Variants in HFM1 observed in about 807,000 individuals in gnomAD.
HFM1 encodes probable ATP-dependent DNA helicase HFM1.
HFM1 carries 169 observed loss-of-function variants against 192.1 expected under a neutral mutation model. The observed-to-expected ratio is 0.88, with a 90% CI of 0.78 to 1.00. HFM1 has a LOEUF of 1.00. Ranked by LOEUF, HFM1 falls within the 50% of genes least tolerant of loss-of-function variation. The pLI, the probability that HFM1 is intolerant of heterozygous loss-of-function variation, is 0.00. For missense variants in HFM1, 1,661 were observed against 1,668.0 expected (o/e 1.00, Z 0.07); for synonymous variants, 525 against 537.8 (o/e 0.98, Z 0.33).
chr1:91,379,272 C>T, intron 8 of HFM1, 58 bp from the exon 9 acceptor site: 1 of 1,388,228 alleles, frequency 7.2e-7, no homozygotes, highest in South Asian at 1.3e-5. Context: ...ATTCTTTTCA[C>T]AAACTTTGGT....
chr1:91,303,431 T>C (rs936534612), intron 30 of HFM1, among the ~76,000 whole-genome samples: 8 of 152,208 alleles, frequency 5.3e-5, no homozygotes, highest in Admixed American at 6.5e-5. Context: ...GATATTTGGG[T>C]TGTTTCCAGT....
At chr1:91,306,876 T>C (rs1334343920) in intron 30 of HFM1, among the ~76,000 whole-genome samples, 1 of 152,208 alleles carries the variant, frequency 6.6e-6, no homozygotes, top group Non-Finnish European at 1.5e-5. Context: ...AGTATCAGAC[T>C]ACTCAGATTT....
chr1:91,300,110 C>T (rs1486526171), intron 30 of HFM1, among the ~76,000 whole-genome samples: 3 of 151,570 alleles, frequency 2.0e-5, no homozygotes, highest in African/African-American at 2.4e-5. Context: ...ATATCACCAC[C>T]GATCCCACAG....
chr1:91,269,986 T>G (rs1373499019), intron 34 of HFM1, among the ~76,000 whole-genome samples: 1 of 152,134 alleles, frequency 6.6e-6, no homozygotes, highest in African/African-American at 2.4e-5. Context: ...TTTGCCATAT[T>G]AAGGAGATTT....
intron 13 of HFM1, among the ~76,000 whole-genome samples, chr1:91,371,688 A>G (rs1660224087): frequency 1.4e-5 from 2 of 145,466 alleles, no homozygotes; most frequent in South Asian, 4.7e-4. Context: ...ATGGGCAAGG[A>G]CTTCATGTCT....
At chr1:91,306,808 T>C (rs1165719233) in intron 30 of HFM1, among the ~76,000 whole-genome samples, 2 of 152,204 alleles carry the variant, frequency 1.3e-5, no homozygotes, top group African/African-American at 4.8e-5. Context: ...AAGTCATCCA[T>C]GCCTCAAGTT....
intron 1 of HFM1, among the ~76,000 whole-genome samples, chr1:91,404,378 T>C (rs906153468): frequency 6.6e-5 from 10 of 152,018 alleles, no homozygotes; most frequent in Admixed American, 2.6e-4. Context: ...GGGTCCCGTT[T>C]CCTCCCACCG....
At chr1:91,375,494 T>C in intron 12 of HFM1, 33 bp downstream of exon 12, 2 of 1,609,964 alleles carry the variant, frequency 1.2e-6, no homozygotes, top group Non-Finnish European at 1.7e-6. Flanking sequence ...AAAAACTGAA[T>C]ATACTAAAAA....
chr1:91,315,789 T>C, intron 28 of HFM1, 26 bp downstream of exon 28: 2 of 1,561,634 alleles, frequency 1.3e-6, no homozygotes, highest in African/African-American at 1.4e-5. Flanking sequence ...AGAAATAAGA[T>C]CAAACATCAG....
intron 3 of HFM1, 33 bp downstream of exon 3, chr1:91,396,260 G>A (rs1663642259): frequency 1.9e-6 from 2 of 1,079,962 alleles, no homozygotes; most frequent in Non-Finnish European, 2.8e-6. Context: ...AACTGTATGG[G>A]TTTGGCTTCA....
chr1:91,294,093 A>G (rs1669113243), intron 30 of HFM1, among the ~76,000 whole-genome samples: 1 of 151,164 alleles, frequency 6.6e-6, no homozygotes. Context: ...AGATATACCT[A>G]ATGCTAGATG....
At chr1:91,278,291 T>C (rs281956) in intron 30 of HFM1, among the ~76,000 whole-genome samples, 44,618 of 151,954 alleles carry the variant, frequency 0.29, 6,720 homozygotes, top group Non-Finnish European at 0.32. Flanking sequence ...TATCTAAATA[T>C]ATGATTTACT....
At chr1:91,316,244 A>G (rs1171259460) in intron 26 of HFM1, 60 bp from the exon 27 acceptor site, 34 of 1,134,048 alleles carry the variant, frequency 3.0e-5, no homozygotes, top group Non-Finnish European at 4.3e-5. Flanking sequence ...TTAGTAAAAT[A>G]TTTTTTAGAA....
chr1:91,265,611 C>T (rs1665690381), intron 36 of HFM1, among the ~76,000 whole-genome samples: 1 of 152,228 alleles, frequency 6.6e-6, no homozygotes, highest in African/African-American at 2.4e-5. Context: ...ACATACCACA[C>T]TTTACTGATC....
chr1:91,271,209 A>G (rs1253047334), intron 34 of HFM1, among the ~76,000 whole-genome samples: 1 of 152,122 alleles, frequency 6.6e-6, no homozygotes, highest in East Asian at 1.9e-4. Flanking sequence ...TGCCAAAACT[A>G]ACAGGGAAGT....
chr1:91,330,339 C>T (rs1055896550), intron 20 of HFM1, among the ~76,000 whole-genome samples: 1 of 151,860 alleles, frequency 6.6e-6, no homozygotes, highest in African/African-American at 2.4e-5. Context: ...TGATACCATA[C>T]AAATTCAAAG....
intron 20 of HFM1, among the ~76,000 whole-genome samples, chr1:91,340,538 CA>C (rs1484532172): frequency 6.6e-6 from 1 of 152,040 alleles, no homozygotes; most frequent in Non-Finnish European, 1.5e-5. Flanking sequence ...CACTATAAAG[CA>C]ACTACATAAC....
chr1:91,404,900 GC>G (rs1259812746), upstream of HFM1: 1 of 454,632 alleles, frequency 2.2e-6, no homozygotes, highest in Non-Finnish European at 4.4e-6. Context: ...GATCGCCCAA[GC>G]CCCCAACCTC....
At chr1:91,288,805 C>A (rs1003185584) in intron 30 of HFM1, among the ~76,000 whole-genome samples, 1 of 152,228 alleles carries the variant, frequency 6.6e-6, no homozygotes, top group East Asian at 1.9e-4. Context: ...ACAATCTGAT[C>A]TCTCTTTCTT....
Sources: gnomAD v4.1 joint callset for allele counts (sites outside exome capture counted in the v4.1 genomes callset) on GRCh38, gnomAD v4.1.1 for gene constraint, MANE v1.5 for transcripts, NCBI Gene and HGNC (gene_info 2026-07-23, HGNC 2026-07-21) for gene names.